The following BTN2A1 variants were observed in gnomAD, a reference collection of about 807,000 sequenced individuals.
BTN2A1 encodes butyrophilin, subfamily 2, member A1.
BTN2A1 carries 41 observed loss-of-function variants against 34.5 expected under a neutral mutation model. That is an observed-to-expected ratio of 1.19 (90% CI 0.93 to 1.54). BTN2A1 has a LOEUF of 1.54. BTN2A1 is among the 40% of genes most tolerant of loss of function. BTN2A1 has a pLI of 0.00. For synonymous variants in BTN2A1, 267 were observed against 258.6 expected (o/e 1.03, Z -0.31); for missense variants, 642 against 662.0 (o/e 0.97, Z 0.33).
chr6:26,463,093 A>C (rs3734540), intron 3 of BTN2A1, 151 bp from the exon 4 acceptor site: 468,324 of 991,910 alleles, frequency 0.47, 116,578 homozygotes, highest in East Asian at 0.68. Context: ...TTTCTTCCTT[A>C]CCCTCATCCT....
chr6:26,468,615 A>C lies in BTN2A1; in HGVS notation c.*66A>C, dbSNP rs1581677300. 6.2e-7 allele frequency: 1 copy of C among 1,613,758 alleles called. No individual in the cohort carries two copies. The highest frequency in any genetic ancestry group is 1.3e-5 in the African/African-American group (1 of 74,866). ...GTCATCTCAGCAGCCACCGCACAAC[A>C]CCCCTGGTGGAAGACACGCCCTCCT... is the stretch of plus-strand genomic sequence containing the variant. On this transcript the variant is annotated 3_prime_UTR_variant, in exon 8 of 8. Coordinates refer to ENST00000312541, the MANE Select transcript of BTN2A1 (RefSeq NM_007049.5).
chr6:26,476,215 G>C (rs1368160935), exon 8 of BTN2A1: 1 of 1,508,222 alleles, frequency 6.6e-7, no homozygotes, highest in East Asian at 2.5e-5. Flanking sequence ...CTGGAGAGAA[G>C]ACACAGCAGG....
Position 26,468,265 on chromosome 6 carries a change from G to T in BTN2A1, c.1300G>T (p.Val434Leu), listed in dbSNP as rs149413459. ...LEMHKGQYRA[V>L]SSPDRILPLK... ...GATGCATAAAGGGCAATACCGGGCC[G>T]TGTCCTCCCCTGATAGGATTCTCCC... Residue 434 changes from valine to leucine, a missense_variant, in exon 8 of 8, where the codon GTG (valine) becomes TTG (leucine). Transcript: ENST00000312541. 1.2e-6 allele frequency: 2 copies of T among 1,614,092 alleles called. No homozygotes were observed. The highest frequency in any genetic ancestry group is 3.3e-5 in the Admixed American group (2 of 60,010).
At chr6:26,467,346 C>T (rs1381581885) in intron 7 of BTN2A1, among the ~76,000 whole-genome samples, 1 of 152,208 alleles carries the variant, frequency 6.6e-6, no homozygotes, top group East Asian at 1.9e-4. Flanking sequence ...ATGTCTTGCT[C>T]TGTCACCCAG....
intron 3 of BTN2A1, 74 bp downstream of exon 3, chr6:26,459,902 C>A: frequency 1.5e-6 from 2 of 1,369,012 alleles, no homozygotes; most frequent in Middle Eastern, 3.7e-4. Context: ...TAACCTCAGG[C>A]CCATTGCAGA....
At chr6:26,459,862 A>G (rs762912081) in intron 3 of BTN2A1, 34 bp downstream of exon 3, 18 of 1,578,798 alleles carry the variant, frequency 1.1e-5, no homozygotes, top group African/African-American at 1.1e-4. Context: ...TTACTTTGGC[A>G]CAGTGTGACT....
In BTN2A1 at chr6:26,463,424, C is replaced by T. The variant is rs1379224960; in HGVS notation, c.611C>T (p.Thr204Ile). Residue 204 changes from threonine to isoleucine, a missense_variant, in exon 4 of 8, where the codon ACC (threonine) becomes ATC (isoleucine). Coordinates refer to ENST00000312541, the MANE Select transcript of BTN2A1 (RefSeq NM_007049.5). ...MPDADGLFMV[T>I]TAVIIRDKSV... ...GATGCAGACGGCCTCTTCATGGTCACCACGGCTGTGATCATCAGAGACAAG... is the reference window on the plus strand; with the variant it reads ...GATGCAGACGGCCTCTTCATGGTCATCACGGCTGTGATCATCAGAGACAAG... The T allele has an allele frequency of 2.5e-6, 4 of 1,614,026 alleles. No individual in the cohort carries two copies. Among genetic ancestry groups the T allele is most frequent in the East Asian group, 2.2e-5 (1 of 44,884 alleles).
In BTN2A1 at chr6:26,465,272, A is replaced by G. The variant is rs983484534; in HGVS notation, c.800A>G (p.Tyr267Cys). 4 of 1,613,996 alleles carry G rather than the reference A, an allele frequency of 2.5e-6. No individual in the cohort carries two copies. Among genetic ancestry groups the G allele is most frequent in the Non-Finnish European group, 2.5e-6 (3 of 1,179,964 alleles). Residue 267 changes from tyrosine (Y) to cysteine (C), a missense_variant, in exon 5 of 8, where the codon TAT (tyrosine) becomes TGT (cysteine). Physicochemically the swap from Tyr to Cys is radical, Grantham distance 194. Coordinates refer to ENST00000312541, the MANE Select transcript of BTN2A1 (RefSeq NM_007049.5). ...ILMIPIAVCI[Y>C]WINKLQKEKK... ...ATGATACCCATTGCCGTATGCATCT[A>G]TTGGATCAACAAACTCCAAAAGGAA...
chr6:26,459,417 C>G, intron 2 of BTN2A1, 64 bp from the exon 3 acceptor site: 1 of 1,542,496 alleles, frequency 6.5e-7, no homozygotes, highest in Non-Finnish European at 8.9e-7. Context: ...ATATCTGCTT[C>G]CTTTCTTGCC....
rs545356780 is a variant in BTN2A1, at chr6:26,468,259, C to T, written c.1294C>T (p.Arg432Trp). ...CTTGGAGATGCATAAAGGGCAATAC[C>T]GGGCCGTGTCCTCCCCTGATAGGAT... is the stretch of plus-strand genomic sequence containing the variant. ...WTLEMHKGQY[R>W]AVSSPDRILP... Residue 432 changes from arginine (R) to tryptophan (W), a missense_variant, in exon 8 of 8, where the codon CGG becomes TGG. By Grantham distance (101) the Arg-to-Trp change is moderately radical. Transcript: ENST00000312541. 25 of 1,614,180 alleles carry T rather than the reference C, an allele frequency of 1.5e-5. 1 individual carries two copies. The East Asian group carries it at 2.0e-4, about 13-fold the overall frequency.
chr6:26,459,311 C>T (rs968823768), intron 2 of BTN2A1, among the ~76,000 whole-genome samples, 170 bp from the exon 3 acceptor site: 1 of 152,152 alleles, frequency 6.6e-6, no homozygotes, highest in Non-Finnish European at 1.5e-5. Context: ...AGTTACTGCT[C>T]CCAGGGGTGC....
chr6:26,462,702 C>G, intron 3 of BTN2A1: 1 of 831,084 alleles, frequency 1.2e-6, no homozygotes, highest in Admixed American at 2.4e-5. Context: ...ATGTGAAGTT[C>G]TGAACTAGAC....
rs764433115 is a variant in BTN2A1, at chr6:26,463,649, G to A, written c.712+124G>A. ...TAGTCCTGGGCCCTAAGGACCTGGA[G>A]GCTGCAGCTGAGTGAAGCCTTTCCG... On this transcript the variant is annotated intron_variant, in intron 4 of 7. Coordinates refer to ENST00000312541, the MANE Select transcript of BTN2A1 (RefSeq NM_007049.5). 9.3e-5 allele frequency: 109 copies of A among 1,166,002 alleles called. 1 individual carries two copies. Among genetic ancestry groups the A allele is most frequent in the Non-Finnish European group, 9.7e-5 (80 of 824,994 alleles). 72.2% of individuals were successfully genotyped at this position (1,166,002 alleles called of 1,614,324 possible). A position where few individuals can be genotyped will look rare whatever the true frequency, so the allele number is the denominator to read the frequency against.
rs772461352 is a variant in BTN2A1 at position 26,468,676 on chromosome 6, C to T, written c.*127C>T. 2 of 1,613,508 alleles carry T rather than the reference C, an allele frequency of 1.2e-6. No individual in the cohort carries two copies. The highest frequency in any genetic ancestry group is 1.1e-5 in the South Asian group (1 of 90,452). On this transcript the variant is annotated 3_prime_UTR_variant, in exon 8 of 8. Transcript: ENST00000312541. ...CACACAAGAGAACATCTTCCAGCTG[C>T]CTCTTTCACACCCACTACAGACCTC...
At position 26,459,809 on chromosome 6, in the gene BTN2A1, C is replaced by G; in HGVS notation, c.411C>G (p.Ile137Met). 1 of 1,613,204 alleles carries G rather than the reference C, an allele frequency of 6.2e-7. No homozygotes were observed. Among genetic ancestry groups the G allele is most frequent in the Admixed American group, 1.7e-5 (1 of 59,978 alleles). Reference sequence around the variant, plus strand: ...AAGGCAGGTCCTACGATGAGGCCATCCTGCACCTCGTAGTGGCAGGTGCGT... The same window carrying G: ...AAGGCAGGTCCTACGATGAGGCCATGCTGCACCTCGTAGTGGCAGGTGCGT... ...FQEGRSYDEA[I>M]LHLVVAGLGS... Residue 137 changes from isoleucine (I) to methionine (M), a missense_variant, in exon 3 of 8, where the codon ATC (isoleucine) becomes ATG (methionine). By Grantham distance (10) the Ile-to-Met change is conservative. Coordinates refer to ENST00000312541, the MANE Select transcript of BTN2A1 (RefSeq NM_007049.5).
In BTN2A1 at chr6:26,475,480, C is replaced by T. The variant is rs1763521475; in HGVS notation, c.983-642C>T. Among the ~76,000 whole-genome samples, 3 of 152,168 alleles carry T rather than the reference C, an allele frequency of 2.0e-5. No homozygotes were observed. The South Asian group carries it at 6.2e-4, about 31-fold the overall frequency. On this transcript the variant is annotated intron_variant, in intron 7 of 7. Transcript: ENST00000469185. Reference sequence around the variant, plus strand: ...TATGTATATATGAATATGCAATGAACCCCAGGATACTAAGCTTCACTTAAG... The same window carrying T: ...TATGTATATATGAATATGCAATGAATCCCAGGATACTAAGCTTCACTTAAG...
At chr6:26,474,175 C>A (rs1384824166), downstream of BTN2A1, among the ~76,000 whole-genome samples, 1 of 152,192 alleles carries the variant, frequency 6.6e-6, no homozygotes, top group African/African-American at 2.4e-5. Context: ...TAACTGAAAG[C>A]TTAAGGCATG....
intron 3 of BTN2A1, among the ~76,000 whole-genome samples, chr6:26,461,419 C>G (rs139381680): frequency 6.6e-6 from 1 of 152,296 alleles, no homozygotes; most frequent in Non-Finnish European, 1.5e-5. Context: ...TTCCAATTTG[C>G]TGAGTTATTT....
At chr6:26,462,688 G>C (rs756643871) in intron 3 of BTN2A1, 12 of 643,244 alleles carry the variant, frequency 1.9e-5, no homozygotes, top group Non-Finnish European at 2.9e-5. Flanking sequence ...AGAAAGCGGT[G>C]GTTATGTGAA....
Sources: gnomAD v4.1 joint callset for allele counts (sites outside exome capture counted in the v4.1 genomes callset) on GRCh38, gnomAD v4.1.1 for gene constraint, MANE v1.5 for transcripts, NCBI Gene and HGNC (gene_info 2026-07-23, HGNC 2026-07-21) for gene names.